ZFPM2: variants seen among roughly 807,000 people sequenced by gnomAD.
ZFPM2 encodes the protein zinc finger protein, FOG family member 2, also known as zinc finger protein ZFPM2.
ZFPM2 carries 20 observed loss-of-function variants against 98.6 expected under a neutral mutation model. That is an observed-to-expected ratio of 0.20 (90% confidence interval 0.14 to 0.29). The LOEUF (loss-of-function observed/expected upper bound fraction) is 0.29. ZFPM2 is among the 10% of genes least tolerant of loss of function. The probability of loss-of-function intolerance (pLI) is 1.00; values close to 1 mark genes in which losing one functional copy is unlikely to be tolerated. For missense variants in ZFPM2, 1,310 were observed against 1,388.6 expected (o/e 0.94, Z 0.90); for synonymous variants, 518 against 502.7 (o/e 1.03, Z -0.41).
At chr8:105,498,052 TC>T (rs1447047994) in intron 3 of ZFPM2, among the ~76,000 whole-genome samples, 1 of 121,872 alleles carries the variant, frequency 8.2e-6, no homozygotes, top group African/African-American at 3.2e-5. Context: ...AAAAACAAAA[TC>T]CAGGTGTGGT....
chr8:105,682,827 T>C (rs1486177677), intron 5 of ZFPM2, among the ~76,000 whole-genome samples: 1 of 152,164 alleles, frequency 6.6e-6, no homozygotes, highest in Non-Finnish European at 1.5e-5. Flanking sequence ...ATAAGTAGTT[T>C]ATTGGTAGGG....
chr8:105,517,095 A>T (rs1207473265), intron 3 of ZFPM2, among the ~76,000 whole-genome samples: 2 of 152,306 alleles, frequency 1.3e-5, no homozygotes, highest in East Asian at 3.9e-4. Context: ...CCTTCACTAC[A>T]CTTCAGTAAT....
intron 4 of ZFPM2, among the ~76,000 whole-genome samples, chr8:105,578,733 A>G (rs1384594660): frequency 2.6e-5 from 4 of 152,162 alleles, no homozygotes; most frequent in Admixed American, 2.6e-4. Context: ...AATAAAGCAG[A>G]TTCCACTATG....
At chr8:105,616,904 G>A (rs1816427318) in intron 4 of ZFPM2, among the ~76,000 whole-genome samples, 1 of 151,086 alleles carries the variant, frequency 6.6e-6, no homozygotes, top group African/African-American at 2.4e-5. Flanking sequence ...TGTAATCCCT[G>A]CTACTCATGA....
intron 3 of ZFPM2, among the ~76,000 whole-genome samples, chr8:105,447,956 T>C (rs1812408665): frequency 6.6e-6 from 1 of 152,132 alleles, no homozygotes; most frequent in Admixed American, 6.5e-5. Flanking sequence ...TTAGCTGTTA[T>C]GATTAAGTGG....
chr8:105,393,628 G>C (rs1811162566), intron 1 of ZFPM2, among the ~76,000 whole-genome samples: 1 of 152,056 alleles, frequency 6.6e-6, no homozygotes, highest in African/African-American at 2.4e-5. Flanking sequence ...TTATATGAAA[G>C]TAAGTTAGTG....
intron 4 of ZFPM2, among the ~76,000 whole-genome samples, chr8:105,597,350 T>C (rs1815993428): frequency 1.3e-5 from 2 of 152,260 alleles, no homozygotes; most frequent in East Asian, 3.9e-4. Flanking sequence ...TTTCTACTTA[T>C]TTAAAACTAA....
chr8:105,551,936 C>T (rs1814862658), intron 3 of ZFPM2, among the ~76,000 whole-genome samples: 1 of 119,286 alleles, frequency 8.4e-6, no homozygotes, highest in African/African-American at 4.0e-5. Context: ...TAAATATCAG[C>T]AATGACTTGT....
At chr8:105,789,418 C>A (rs528410662) in intron 6 of ZFPM2, among the ~76,000 whole-genome samples, 2 of 152,308 alleles carry the variant, frequency 1.3e-5, no homozygotes, top group South Asian at 4.1e-4. Flanking sequence ...ATGAACTCAT[C>A]CTTTTTTATG....
At chr8:105,388,359 AAG>A (rs1811043111) in intron 1 of ZFPM2, among the ~76,000 whole-genome samples, 2 of 152,152 alleles carry the variant, frequency 1.3e-5, no homozygotes, top group African/African-American at 4.8e-5. Context: ...GGGAGAGAGA[AAG>A]AGGAGGGAAA....
At chr8:105,442,071 C>A (rs894429733) in intron 2 of ZFPM2, among the ~76,000 whole-genome samples, 1 of 152,020 alleles carries the variant, frequency 6.6e-6, no homozygotes, top group East Asian at 1.9e-4. Flanking sequence ...CGGTGGCTCA[C>A]GCCTGTAATC....
chr8:105,563,721 A>C (rs1366044149), intron 4 of ZFPM2, among the ~76,000 whole-genome samples: 2 of 152,246 alleles, frequency 1.3e-5, no homozygotes, highest in South Asian at 2.1e-4. Flanking sequence ...TTCTGAACTT[A>C]TTTTATCTGG....
In ZFPM2 at chr8:105,417,892, ATTTT is replaced by A. The variant is rs1211034159; in HGVS notation, c.41-1248_41-1245del. Among the ~76,000 whole-genome samples, 3 of 152,064 alleles carry A rather than the reference ATTTT, an allele frequency of 2.0e-5. No individual in the cohort carries two copies. In the South Asian group the frequency reaches 6.2e-4, roughly 32 times the overall value. On this transcript the variant is annotated intron_variant, in intron 1 of 7. Transcript: ENST00000407775. ...TTTTGAAAAAGGAAAGGTAAAACACATTTTTTTAAAGGACAAAGAGACTCTGTAA... is the reference window on the plus strand; with the variant it reads ...TTTTGAAAAAGGAAAGGTAAAACACATTTAAAGGACAAAGAGACTCTGTAA...
chr8:105,685,701 G>A (rs1247049236), intron 5 of ZFPM2: 1 of 152,060 alleles, frequency 6.6e-6, no homozygotes, highest in African/African-American at 2.4e-5. Flanking sequence ...TCACTTTTGA[G>A]AAGTTGATAT....
chr8:105,510,650 C>T (rs1236157732), intron 3 of ZFPM2, among the ~76,000 whole-genome samples: 2 of 152,160 alleles, frequency 1.3e-5, no homozygotes, highest in Admixed American at 1.3e-4. Context: ...CTTTCTGATT[C>T]TTGTGGAGAG....
intron 3 of ZFPM2, among the ~76,000 whole-genome samples, chr8:105,494,391 T>C (rs1219694080): frequency 6.6e-6 from 1 of 151,220 alleles, no homozygotes; most frequent in Non-Finnish European, 1.5e-5. Context: ...CACACCTAAT[T>C]CTGCAGACGT....
At chr8:105,485,058 A>G (rs956746631) in intron 3 of ZFPM2, among the ~76,000 whole-genome samples, 1 of 152,200 alleles carries the variant, frequency 6.6e-6, no homozygotes, top group Non-Finnish European at 1.5e-5. Context: ...AGCCCAGTTC[A>G]AGACAAACAA....
chr8:105,550,024 T>C (rs7844467), intron 3 of ZFPM2, among the ~76,000 whole-genome samples: 14,497 of 152,160 alleles, frequency 0.095, 1,020 homozygotes, highest in African/African-American at 0.21. Flanking sequence ...GAAAGTCTGA[T>C]TATCAGGTGG....
rs532585175 is a variant in ZFPM2 at position 105,695,640 on chromosome 8, T to C, written c.532+61283T>C. On this transcript the variant is annotated intron_variant, in intron 5 of 7. Coordinates refer to ENST00000407775, the MANE Select transcript of ZFPM2 (RefSeq NM_012082.4). ...CATTTGATGAAATCAGAATTACTCA[T>C]GCATGCTGAGAATCACTCAAAACCA... Among the ~76,000 whole-genome samples the C allele has an allele frequency of 2.6e-5, 4 of 152,282 alleles. No individual in the cohort carries two copies. In the South Asian group the frequency reaches 8.3e-4, roughly 32 times the overall value.
Sources: allele counts gnomAD v4.1 joint callset (sites outside exome capture counted in the v4.1 genomes callset), GRCh38; gene constraint gnomAD v4.1.1; transcripts MANE v1.5; gene names NCBI Gene and HGNC (gene_info 2026-07-23, HGNC 2026-07-21).